The following TESK2 variants were observed in gnomAD, a reference collection of about 807,000 sequenced individuals.
TESK2 encodes dual specificity testis-specific protein kinase 2.
TESK2 carries 39 observed loss-of-function variants against 57.1 expected under a neutral mutation model. That is an observed-to-expected ratio of 0.68 (90% CI 0.53 to 0.89). The LOEUF (loss-of-function observed/expected upper bound fraction) is 0.89, where lower values mean the gene tolerates loss of function less well. TESK2 is among the 40% of genes least tolerant of loss of function. The probability of loss-of-function intolerance (pLI) is 0.00; values close to 1 mark genes in which losing one functional copy is unlikely to be tolerated. For missense variants in TESK2, 646 were observed against 732.1 expected (o/e 0.88, Z 1.36); for synonymous variants, 249 against 267.9 (o/e 0.93, Z 0.69).
chr1:45,410,691 T>A (rs1650005020), intron 3 of TESK2, among the ~76,000 whole-genome samples: 1 of 152,150 alleles, frequency 6.6e-6, no homozygotes, highest in Admixed American at 6.5e-5. Flanking sequence ...TAAGATATTT[T>A]AAAAACCTGA....
chr1:45,444,525 G>T (rs188904752), intron 2 of TESK2, among the ~76,000 whole-genome samples: 41 of 152,230 alleles, frequency 2.7e-4, no homozygotes, highest in South Asian at 1.9e-3. Context: ...TCAGGTTTAG[G>T]ATTCAGATTT....
chr1:45,371,091 A>C lies in TESK2; in HGVS notation c.393+14821T>G, dbSNP rs540870697. On this transcript the variant is annotated intron_variant, in intron 4 of 10. Transcript: ENST00000372086. ...AGATAGCTACTATCAAAAAAAAAAAACACAGAAAATAACAAGTATTGGTGA... is the reference window on the plus strand; with the variant it reads ...AGATAGCTACTATCAAAAAAAAAAACCACAGAAAATAACAAGTATTGGTGA... 6.6e-5 allele frequency among the ~76,000 whole-genome samples: 10 copies of C among 152,126 alleles called. No individual in the cohort carries two copies. The East Asian group carries it at 7.7e-4, about 12-fold the overall frequency.
chr1:45,378,048 T>C (rs1483354911), intron 4 of TESK2, among the ~76,000 whole-genome samples: 1 of 151,714 alleles, frequency 6.6e-6, no homozygotes, highest in East Asian at 2.0e-4. Flanking sequence ...AATGAAATGA[T>C]AAGGTTGGAA....
chr1:45,373,043 A>AC (rs1429779961), intron 4 of TESK2, among the ~76,000 whole-genome samples: 3 of 151,728 alleles, frequency 2.0e-5, no homozygotes, highest in Non-Finnish European at 2.9e-5. Context: ...AAAAAAAAAA[A>AC]AAAAGAAAAG....
chr1:45,398,825 T>C (rs1436885951), intron 3 of TESK2: 4 of 380,294 alleles, frequency 1.1e-5, no homozygotes, highest in Non-Finnish European at 2.0e-5. Flanking sequence ...TTATGTCATT[T>C]CTAGGCCTGT....
chr1:45,358,484 AAGTG>A (rs931833880), intron 4 of TESK2, among the ~76,000 whole-genome samples: 2 of 152,170 alleles, frequency 1.3e-5, no homozygotes, highest in African/African-American at 2.4e-5. Flanking sequence ...TCTCAAAAAA[AAGTG>A]AGTAAGTATA....
At chr1:45,346,238 A>T (rs2149262345) in intron 9 of TESK2, among the ~76,000 whole-genome samples, 1 of 152,324 alleles carries the variant, frequency 6.6e-6, no homozygotes. Context: ...GTATGCTCAT[A>T]TTAGTTTATT....
chr1:45,347,797 C>T, intron 6 of TESK2, 104 bp from the exon 7 acceptor site: 1 of 1,463,434 alleles, frequency 6.8e-7, no homozygotes, highest in Non-Finnish European at 9.6e-7. Context: ...GAGGACTAAA[C>T]AAATTTAGGG....
chr1:45,344,664 A>T lies in TESK2; in HGVS notation c.*176T>A. On this transcript the variant is annotated 3_prime_UTR_variant, in exon 11 of 11. Coordinates refer to ENST00000372086, the MANE Select transcript of TESK2 (RefSeq NM_007170.3). ...TTGGCCCTAACTAGGAAGGCCTCTC[A>T]CTGCTGCCTCCCGTCATACACAGCC... is the stretch of plus-strand genomic sequence containing the variant. 1.6e-6 allele frequency: 1 copy of T among 621,264 alleles called. No individual in the cohort carries two copies. Among genetic ancestry groups the T allele is most frequent in the Non-Finnish European group, 2.8e-6 (1 of 356,986 alleles). 38.5% of individuals were successfully genotyped at this position (621,264 alleles called of 1,614,324 possible). A position where few individuals can be genotyped will look rare whatever the true frequency, so the allele number is the denominator to read the frequency against.
intron 1 of TESK2, among the ~76,000 whole-genome samples, chr1:45,467,431 G>T (rs1297420749): frequency 6.6e-6 from 1 of 151,476 alleles, no homozygotes; most frequent in East Asian, 1.9e-4. Flanking sequence ...CACAACCTCC[G>T]CCTCCCAGGT....
intron 3 of TESK2, among the ~76,000 whole-genome samples, chr1:45,412,451 G>A (rs1202270920): frequency 6.6e-6 from 1 of 152,192 alleles, no homozygotes; most frequent in African/African-American, 2.4e-5. Flanking sequence ...AACTGAGACT[G>A]GGAAAATATC....
intron 4 of TESK2, among the ~76,000 whole-genome samples, chr1:45,360,896 C>T (rs575361315): frequency 2.0e-5 from 3 of 152,354 alleles, no homozygotes; most frequent in African/African-American, 4.8e-5. Context: ...CGGCTCACTG[C>T]AACCTCCACC....
chr1:45,422,285 G>A (rs1650507669), intron 2 of TESK2, among the ~76,000 whole-genome samples: 1 of 152,126 alleles, frequency 6.6e-6, no homozygotes, highest in South Asian at 2.1e-4. Flanking sequence ...AGCGGGTGGG[G>A]GGTGAAGGAA....
At chr1:45,465,280 G>A (rs1652498251) in intron 1 of TESK2, among the ~76,000 whole-genome samples, 1 of 151,888 alleles carries the variant, frequency 6.6e-6, no homozygotes, top group Middle Eastern at 3.4e-3. Context: ...GCATGGTGGT[G>A]TGCACCTGTA....
At position 45,344,435 on chromosome 1, in the gene TESK2, C is replaced by T. The variant is rs1647108774; in HGVS notation, c.*405G>A. ...GCCATGACCATTACGGCCTCTTGAT[C>T]AGCTCCATGTTCCACTCAGTAGCTT... On this transcript the variant is annotated 3_prime_UTR_variant, in exon 11 of 11. Coordinates refer to ENST00000372086, the MANE Select transcript of TESK2 (RefSeq NM_007170.3). The T allele has an allele frequency of 5.4e-6, 1 of 186,176 alleles. No homozygotes were observed. The allele number at this position is 186,176 out of a possible 1,614,324, so 11.5% of individuals were successfully genotyped here. A position where few individuals can be genotyped will look rare whatever the true frequency, so the allele number is the denominator to read the frequency against.
intron 1 of TESK2, among the ~76,000 whole-genome samples, chr1:45,469,984 T>C (rs1229813334): frequency 6.6e-6 from 1 of 152,146 alleles, no homozygotes; most frequent in Non-Finnish European, 1.5e-5. Flanking sequence ...TCAAAAATTG[T>C]CAATGTCCAT....
chr1:45,480,859 A>AATCC (rs1259762189), intron 1 of TESK2, among the ~76,000 whole-genome samples: 228 of 151,704 alleles, frequency 1.5e-3, no homozygotes, highest in African/African-American at 4.9e-3. Flanking sequence ...GTGGTGGTGC[A>AATCC]CACCTGTAAT....
intron 2 of TESK2, among the ~76,000 whole-genome samples, chr1:45,429,866 A>T (rs1324979701): frequency 6.6e-6 from 1 of 152,186 alleles, no homozygotes; most frequent in Non-Finnish European, 1.5e-5. Context: ...GTTGTTTGAT[A>T]TCCCTGCCTT....
At chr1:45,415,455 T>A in intron 3 of TESK2, 1 of 613,140 alleles carries the variant, frequency 1.6e-6, no homozygotes, top group East Asian at 2.9e-5. Context: ...GTGCTTTCGC[T>A]GCAGTTCCCT....
Sources: allele counts gnomAD v4.1 joint callset (sites outside exome capture counted in the v4.1 genomes callset), GRCh38; gene constraint gnomAD v4.1.1; transcripts MANE v1.5; gene names NCBI Gene and HGNC (gene_info 2026-07-23, HGNC 2026-07-21).